CCDC149: variants seen among roughly 807,000 people sequenced by gnomAD.
CCDC149 encodes the protein coiled-coil domain-containing protein 149.
A neutral mutation model predicts 59.9 loss-of-function variants in CCDC149; 45 were observed. The ratio of observed to expected loss-of-function variants is 0.75; its 90% CI spans 0.59 to 0.96. CCDC149 has a LOEUF of 0.96. CCDC149 is among the 40% of genes least tolerant of loss of function. CCDC149 has a pLI of 0.00. For synonymous variants in CCDC149, 245 were observed against 260.6 expected, an observed-to-expected ratio of 0.94 and a Z score of 0.58; for missense variants, 584 against 664.7, an observed-to-expected ratio of 0.88 and a Z score of 1.33.
intron 1 of CCDC149, among the ~76,000 whole-genome samples, chr4:24,899,354 G>A (rs950448920): frequency 8.5e-5 from 13 of 152,190 alleles, no homozygotes; most frequent in African/African-American, 2.7e-4. Context: ...GTATACAGAA[G>A]GAGCATGAGT....
intron 1 of CCDC149, among the ~76,000 whole-genome samples, chr4:24,952,317 T>C (rs6448318): frequency 0.76 from 114,637 of 151,782 alleles, 43,512 homozygotes; most frequent in African/African-American, 0.79. Context: ...TTTGGCTGGG[T>C]AAGGTGGCTC....
chr4:24,928,423 G>T (rs1722490655), intron 1 of CCDC149, among the ~76,000 whole-genome samples: 2 of 152,232 alleles, frequency 1.3e-5, no homozygotes, highest in African/African-American at 4.8e-5. Flanking sequence ...CCTGAAGGAT[G>T]CCTAGGAATT....
rs756927697 is a variant in CCDC149 at position 24,834,935 on chromosome 4, C to G, written c.820+13G>C. ...CGCTCATGAGCGGTCTCTCCTGGAG[C>G]ATGATATCCTACCTTGCTTTGCAGA... On this transcript the variant is annotated intron_variant, in intron 8 of 12. Coordinates refer to ENST00000635206, the MANE Select transcript of CCDC149 (RefSeq NM_001330643.2). 6.2e-7 allele frequency: 1 copy of G among 1,601,524 alleles called. No individual in the cohort carries two copies. Among genetic ancestry groups the G allele is most frequent in the Admixed American group, 1.7e-5 (1 of 59,948 alleles).
chr4:24,843,780 C>G (rs1056871256), intron 4 of CCDC149, among the ~76,000 whole-genome samples: 1 of 152,116 alleles, frequency 6.6e-6, no homozygotes, highest in African/African-American at 2.4e-5. Flanking sequence ...GACAGATACC[C>G]CCAAGTGGCA....
rs965405785 is a variant in CCDC149, at chr4:24,837,871, A to G, written c.489+285T>C. On this transcript the variant is annotated intron_variant, in intron 5 of 12. Transcript: ENST00000635206. This position sits in a 1 kb window ranked among gnomAD's most constrained non-coding sequence, Gnocchi z 4.3. ...TAGCAGAAACTTGCAAAGTAAGGCC[A>G]GTTTGTCACGTGTTGTTCTCTCCCT... Among the ~76,000 whole-genome samples the G allele has an allele frequency of 1.5e-4, 23 of 152,216 alleles. No individual in the cohort carries two copies. The highest frequency in any genetic ancestry group is 5.3e-4 in the African/African-American group (22 of 41,460).
intron 9 of CCDC149, chr4:24,827,831 A>G (rs1715860350): frequency 1.3e-5 from 2 of 152,216 alleles, no homozygotes; most frequent in African/African-American, 4.8e-5. Flanking sequence ...AGGAAGGAAC[A>G]CCTTTACTGC....
At chr4:24,862,723 T>C (rs1409124492) in intron 3 of CCDC149, among the ~76,000 whole-genome samples, 5 of 152,216 alleles carry the variant, frequency 3.3e-5, no homozygotes, top group Non-Finnish European at 5.9e-5. Context: ...TATCTTTCAT[T>C]AATTTCTCCC....
chr4:24,834,536 C>G (rs1432385353), intron 8 of CCDC149, among the ~76,000 whole-genome samples: 1 of 152,168 alleles, frequency 6.6e-6, no homozygotes, highest in East Asian at 1.9e-4. Context: ...CAAAACGCAC[C>G]CTTGGAGATG....
intron 3 of CCDC149, among the ~76,000 whole-genome samples, chr4:24,866,111 G>A (rs1718679259): frequency 6.6e-6 from 1 of 152,132 alleles, no homozygotes; most frequent in Non-Finnish European, 1.5e-5. Context: ...ACTAAAATAA[G>A]CTTGACCAAG....
chr4:24,897,568 A>G (rs903422883), intron 1 of CCDC149, among the ~76,000 whole-genome samples: 4 of 152,212 alleles, frequency 2.6e-5, no homozygotes, highest in Non-Finnish European at 2.9e-5. Flanking sequence ...TCCCAGAGAG[A>G]GGTTGCTATG....
downstream of CCDC149, among the ~76,000 whole-genome samples, chr4:24,804,628 A>G (rs1473876928): frequency 6.6e-6 from 1 of 152,220 alleles, no homozygotes; most frequent in East Asian, 1.9e-4. Context: ...TTAAAGAGAC[A>G]GAGAAGATCA....
chr4:24,931,049 T>A (rs1440009424), intron 1 of CCDC149, among the ~76,000 whole-genome samples: 1 of 152,114 alleles, frequency 6.6e-6, no homozygotes, highest in East Asian at 1.9e-4. Context: ...CTAAACTCTT[T>A]TGTCTGGAAT....
chr4:24,948,321 G>C (rs1723182339), intron 1 of CCDC149, among the ~76,000 whole-genome samples: 1 of 152,218 alleles, frequency 6.6e-6, no homozygotes, highest in East Asian at 1.9e-4. Context: ...CTCCACCCTT[G>C]TGAAATAAAA....
intron 1 of CCDC149, among the ~76,000 whole-genome samples, chr4:24,950,747 A>G (rs1723262597): frequency 6.6e-6 from 1 of 152,350 alleles, no homozygotes; most frequent in Non-Finnish European, 1.5e-5. Flanking sequence ...CACGTATTCA[A>G]TAAACACATT....
At chr4:24,856,983 G>A (rs1718051272) in intron 3 of CCDC149, among the ~76,000 whole-genome samples, 1 of 152,218 alleles carries the variant, frequency 6.6e-6, no homozygotes, top group Admixed American at 6.5e-5. Context: ...GTGAATCTCA[G>A]CATCCCCATC....
chr4:24,974,674 A>G (rs527537019), intron 1 of CCDC149, among the ~76,000 whole-genome samples: 1 of 152,318 alleles, frequency 6.6e-6, no homozygotes, highest in Non-Finnish European at 1.5e-5. Context: ...GTCTGCATTC[A>G]GTAAGTGCTC....
In CCDC149 at chr4:24,808,810, T is replaced by C; in HGVS notation, c.1202A>G (p.Gln401Arg). ...ACAACTTTCATCTTCTTCTTGCTTC[T>C]GAGCCTCCCCTGAAAACAGAACGAG... The change falls in exon 13 of 13, where the codon CAG (glutamine) becomes CGG (arginine). Residue 401 changes from glutamine (Q) to arginine (R), a missense_variant. By Grantham distance (43) the Gln-to-Arg change is conservative. Coordinates refer to ENST00000635206, the MANE Select transcript of CCDC149 (RefSeq NM_001330643.2). 1 of 1,548,186 alleles carries C rather than the reference T, an allele frequency of 6.5e-7. No individual in the cohort carries two copies. Among genetic ancestry groups the C allele is most frequent in the Non-Finnish European group, 8.7e-7 (1 of 1,145,556 alleles).
At chr4:24,853,519 C>T (rs370524172) in intron 3 of CCDC149, among the ~76,000 whole-genome samples, 20 of 143,706 alleles carry the variant, frequency 1.4e-4, no homozygotes, top group Middle Eastern at 3.7e-3. Context: ...GCCCGGGAGG[C>T]GGAGGTTGCA....
intron 1 of CCDC149, among the ~76,000 whole-genome samples, chr4:24,977,248 A>G (rs1408011789): frequency 6.6e-6 from 1 of 152,030 alleles, no homozygotes; most frequent in Non-Finnish European, 1.5e-5. Flanking sequence ...GCTTTGGGAA[A>G]GAGGTATTCT....
Sources: allele counts gnomAD v4.1 joint callset (sites outside exome capture counted in the v4.1 genomes callset), GRCh38; gene constraint gnomAD v4.1.1; non-coding constraint Gnocchi (gnomAD v3.1); transcripts MANE v1.5; gene names NCBI Gene and HGNC (gene_info 2026-07-23, HGNC 2026-07-21).